SLC24A3: variants seen among roughly 807,000 people sequenced by gnomAD.
SLC24A3 encodes the protein sodium/potassium/calcium exchanger 3.
Under a neutral mutation model 75.8 loss-of-function variants are expected in SLC24A3, and 28 were observed. The observed-to-expected ratio is 0.37, with a 90% CI of 0.27 to 0.51. The LOEUF is 0.51. SLC24A3 is among the 20% of genes least tolerant of loss of function. The pLI, the probability that SLC24A3 is intolerant of heterozygous loss-of-function variation, is 0.94. For synonymous variants in SLC24A3, 372 were observed against 334.1 expected, an observed-to-expected ratio of 1.11 and a Z score of -1.24; for missense variants, 663 against 847.8, an observed-to-expected ratio of 0.78 and a Z score of 2.71.
intron 2 of SLC24A3, among the ~76,000 whole-genome samples, chr20:19,329,826 C>T (rs1984957416): frequency 6.6e-6 from 1 of 152,152 alleles, no homozygotes; most frequent in African/African-American, 2.4e-5. Context: ...CTACTTAATA[C>T]ACAGTGAGTG....
At chr20:19,348,790 A>C (rs1367886803) in intron 2 of SLC24A3, among the ~76,000 whole-genome samples, 1 of 152,046 alleles carries the variant, frequency 6.6e-6, no homozygotes, top group Non-Finnish European at 1.5e-5. Flanking sequence ...CTTGCTGTTT[A>C]TTGAGTAAGC....
At chr20:19,421,700 C>CA (rs1284170124) in intron 2 of SLC24A3, among the ~76,000 whole-genome samples, 1 of 151,454 alleles carries the variant, frequency 6.6e-6, no homozygotes. Context: ...ATTTACTGGG[C>CA]AAAAAGGAAA....
In SLC24A3 at chr20:19,515,494, A is replaced by T. The variant is rs201039954; in HGVS notation, c.278A>T (p.His93Leu). Reference protein sequence around the residue: ...NSKNCTEPALHEFPNDIFTNE... With the variant: ...NSKNCTEPALLEFPNDIFTNE... Reference sequence around the variant, plus strand: ...TTCTTTCTCTGTTCTTTAGCCCTGCATGAATTCCCCAATGACATCTTCACA... The same window carrying T: ...TTCTTTCTCTGTTCTTTAGCCCTGCTTGAATTCCCCAATGACATCTTCACA... Residue 93 changes from histidine (H) to leucine (L), a missense_variant, in exon 3 of 17, where the codon CAT (histidine) becomes CTT (leucine). Transcript: ENST00000328041. 20 of 1,614,194 alleles carry T rather than the reference A, an allele frequency of 1.2e-5. No individual in the cohort carries two copies. In the Admixed American group the frequency reaches 3.0e-4, roughly 24 times the overall value.
At chr20:19,563,102 A>G (rs2030902117) in intron 3 of SLC24A3, among the ~76,000 whole-genome samples, 1 of 152,222 alleles carries the variant, frequency 6.6e-6, no homozygotes, top group Admixed American at 6.5e-5. Flanking sequence ...GACAGAAGTT[A>G]TTATACAACT....
intron 6 of SLC24A3, among the ~76,000 whole-genome samples, chr20:19,647,521 C>A (rs2032153448): frequency 6.6e-6 from 1 of 152,186 alleles, no homozygotes; most frequent in Non-Finnish European, 1.5e-5. Flanking sequence ...GCGAAGGGAG[C>A]CAGGGGCACT....
chr20:19,392,480 G>T (rs1273422712), intron 2 of SLC24A3, among the ~76,000 whole-genome samples: 2 of 152,210 alleles, frequency 1.3e-5, no homozygotes, highest in African/African-American at 4.8e-5. Flanking sequence ...GCTGGGCCTG[G>T]ATACTTCTAG....
At chr20:19,386,554 C>G (rs1986276013) in intron 2 of SLC24A3, among the ~76,000 whole-genome samples, 1 of 152,090 alleles carries the variant, frequency 6.6e-6, no homozygotes, top group Non-Finnish European at 1.5e-5. Flanking sequence ...GTGGGTTTCT[C>G]ATAAGTGATC....
At chr20:19,621,618 T>C (rs576510480) in intron 6 of SLC24A3, among the ~76,000 whole-genome samples, 31 of 152,294 alleles carry the variant, frequency 2.0e-4, no homozygotes, top group Non-Finnish European at 3.4e-4. Context: ...CATTTTATCA[T>C]GCACATGGAT....
intron 1 of SLC24A3, among the ~76,000 whole-genome samples, chr20:19,274,199 C>T (rs1335457673): frequency 6.6e-6 from 1 of 151,650 alleles, no homozygotes; most frequent in African/African-American, 2.4e-5. Flanking sequence ...ATTGCCGCCG[C>T]TGAGTTGGGG....
chr20:19,706,867 C>A (rs1440723268), intron 15 of SLC24A3, among the ~76,000 whole-genome samples: 1 of 152,124 alleles, frequency 6.6e-6, no homozygotes, highest in African/African-American at 2.4e-5. Context: ...ATGGTTGTAT[C>A]TGTTAGCTAT....
At chr20:19,614,645 A>G (rs1261647155) in intron 6 of SLC24A3, among the ~76,000 whole-genome samples, 1 of 152,180 alleles carries the variant, frequency 6.6e-6, no homozygotes, top group African/African-American at 2.4e-5. Context: ...GTTCTTATTA[A>G]CCAAAGACGC....
intron 2 of SLC24A3, among the ~76,000 whole-genome samples, chr20:19,315,500 T>G (rs910117806): frequency 7.0e-6 from 1 of 141,898 alleles, no homozygotes; most frequent in African/African-American, 2.5e-5. Flanking sequence ...TTAGAAAGTC[T>G]TAGAAAGCTA....
intron 8 of SLC24A3, among the ~76,000 whole-genome samples, chr20:19,668,920 G>A (rs1015455239): frequency 4.6e-5 from 7 of 152,196 alleles, no homozygotes; most frequent in Non-Finnish European, 1.0e-4. Flanking sequence ...AGAAAGGAAG[G>A]AGGAAGAAGG....
intron 12 of SLC24A3, 75 bp downstream of exon 12, chr20:19,685,436 T>C: frequency 6.5e-6 from 10 of 1,549,876 alleles, no homozygotes; most frequent in Non-Finnish European, 7.8e-6. Flanking sequence ...ACTTAGATTA[T>C]CTTTTTACCA....
rs144397991 is a variant in SLC24A3, at chr20:19,654,126, C to T, written c.677C>T (p.Ala226Val). The change falls in exon 7 of 17, where the codon GCG becomes GTG. Residue 226 changes from alanine to valine, a missense_variant. Around this residue, in one of 2 missense-constraint regions of SLC24A3, gnomAD observed 510 missense variants for 703.6 expected, o/e 0.72. Coordinates refer to ENST00000328041, the MANE Select transcript of SLC24A3 (RefSeq NM_020689.4). Reference protein sequence around the residue: ...DSIYYTLSVIALIVFIYDEKV... With the variant: ...DSIYYTLSVIVLIVFIYDEKV... ...ATTTACTACACGCTGTCTGTGATCG[C>T]GCTCATCGTGGTGAGTCACTCTGGC... The T allele has an allele frequency of 1.2e-5, 20 of 1,613,600 alleles. 1 individual carries two copies. The highest frequency in any genetic ancestry group is 5.5e-5 in the South Asian group (5 of 91,078).
intron 3 of SLC24A3, among the ~76,000 whole-genome samples, chr20:19,564,348 T>A (rs778564912): frequency 8.5e-5 from 13 of 152,180 alleles, no homozygotes; most frequent in African/African-American, 2.9e-4. Context: ...ACAAACAGGA[T>A]TGAAGTCCCA....
chr20:19,411,159 G>T (rs1415406695), intron 2 of SLC24A3, among the ~76,000 whole-genome samples: 2 of 152,138 alleles, frequency 1.3e-5, no homozygotes, highest in Admixed American at 6.5e-5. Flanking sequence ...ATCACAATCT[G>T]AATGGTGTGA....
At position 19,496,752 on chromosome 20, in the gene SLC24A3, G is replaced by A. The variant is rs547314936; in HGVS notation, c.272-18736G>A. ...CACAGAGAGGAACTTCAGCACAACC[G>A]AGCCCTGGGTGCTGGCTCCTGAGTG... is the stretch of plus-strand genomic sequence containing the variant. On this transcript the variant is annotated intron_variant, in intron 2 of 16. Coordinates refer to ENST00000328041, the MANE Select transcript of SLC24A3 (RefSeq NM_020689.4). 9.2e-5 allele frequency among the ~76,000 whole-genome samples: 14 copies of A among 152,230 alleles called. No homozygotes were observed. In the South Asian group the frequency reaches 1.0e-3, roughly 11 times the overall value.
intron 15 of SLC24A3, among the ~76,000 whole-genome samples, chr20:19,700,196 A>G (rs4239734): frequency 6.6e-5 from 10 of 152,080 alleles, no homozygotes; most frequent in Non-Finnish European, 1.3e-4. Flanking sequence ...CCAAAATTCC[A>G]CTGGAGTAGC....
Sources: gnomAD v4.1 joint callset for allele counts (sites outside exome capture counted in the v4.1 genomes callset) on GRCh38, gnomAD v4.1.1 for gene constraint, gnomAD v4.1.1 regional missense constraint, MANE v1.5 for transcripts, NCBI Gene and HGNC (gene_info 2026-07-23, HGNC 2026-07-21) for gene names.